The following MGAT4A variants were observed in gnomAD, a reference collection of about 807,000 sequenced individuals.
MGAT4A encodes the protein alpha-1,3-mannosyl-glycoprotein 4-beta-N-acetylglucosaminyltransferase A.
Under a neutral mutation model 74.1 loss-of-function variants are expected in MGAT4A, and 33 were observed. That is an observed-to-expected ratio of 0.45 (90% CI 0.34 to 0.60). The LOEUF (loss-of-function observed/expected upper bound fraction) is 0.60, where lower values mean the gene tolerates loss of function less well. MGAT4A is among the 20% of genes least tolerant of loss of function. MGAT4A has a pLI of 0.02. For synonymous variants in MGAT4A, 198 were observed against 210.4 expected (o/e 0.94, Z 0.51); for missense variants, 479 against 628.3 (o/e 0.76, Z 2.54).
At chr2:98,630,024 C>T (rs1701205676) in intron 14 of MGAT4A, among the ~76,000 whole-genome samples, 1 of 152,032 alleles carries the variant, frequency 6.6e-6, no homozygotes, top group African/African-American at 2.4e-5. Context: ...CTACCCTGGG[C>T]GACAGAGCAA....
intron 9 of MGAT4A, 137 bp from the exon 10 acceptor site, chr2:98,644,190 T>G (rs575573537): frequency 2.2e-6 from 2 of 911,994 alleles, no homozygotes; most frequent in Admixed American, 3.1e-5. Flanking sequence ...ATTTCCCCAC[T>G]TGTATTATCA....
chr2:98,673,290 TTCTTTA>T (rs1297711065), intron 4 of MGAT4A, among the ~76,000 whole-genome samples: 1 of 152,188 alleles, frequency 6.6e-6, no homozygotes, highest in African/African-American at 2.4e-5. Context: ...GAAGCTGTTT[TTCTTTA>T]TCTAAGAAAC....
At chr2:98,665,085 T>G (rs1490580249) in intron 4 of MGAT4A, among the ~76,000 whole-genome samples, 2 of 152,036 alleles carry the variant, frequency 1.3e-5, no homozygotes, top group African/African-American at 2.4e-5. Context: ...ATCCCAGCAC[T>G]TTGGGAGGCC....
At chr2:98,650,330 G>A (rs1364346124) in intron 8 of MGAT4A, among the ~76,000 whole-genome samples, 1 of 152,120 alleles carries the variant, frequency 6.6e-6, no homozygotes, top group Non-Finnish European at 1.5e-5. Flanking sequence ...GTTCTACAAG[G>A]AGAAGAGAGC....
chr2:98,662,613 T>C (rs1005848501), intron 5 of MGAT4A, among the ~76,000 whole-genome samples: 1 of 152,212 alleles, frequency 6.6e-6, no homozygotes, highest in Non-Finnish European at 1.5e-5. Context: ...TCTAAATCTT[T>C]TGAGGAGACT....
intron 2 of MGAT4A, among the ~76,000 whole-genome samples, chr2:98,692,558 C>A (rs990268545): frequency 7.2e-5 from 11 of 152,190 alleles, no homozygotes; most frequent in Non-Finnish European, 1.5e-4. Context: ...TCATCCAGAG[C>A]AACTTCTACT....
chr2:98,663,207 A>T, intron 4 of MGAT4A, 28 bp from the exon 5 acceptor site: 2 of 1,558,396 alleles, frequency 1.3e-6, no homozygotes, highest in Non-Finnish European at 1.7e-6. Flanking sequence ...AATTATATTA[A>T]AAAACTGTAC....
At chr2:98,712,704 T>C (rs185690530) in intron 2 of MGAT4A, among the ~76,000 whole-genome samples, 69 of 152,348 alleles carry the variant, frequency 4.5e-4, no homozygotes, top group African/African-American at 1.7e-3. Flanking sequence ...TAGAAAATCA[T>C]ATTATCTCAT....
intron 4 of MGAT4A, among the ~76,000 whole-genome samples, chr2:98,668,607 C>G (rs1017043686): frequency 1.3e-5 from 2 of 152,238 alleles, no homozygotes; most frequent in African/African-American, 2.4e-5. Context: ...ATTGGGGCAC[C>G]ACCTAGTGGA....
intron 2 of MGAT4A, among the ~76,000 whole-genome samples, chr2:98,699,413 G>A (rs1020547756): frequency 4.6e-5 from 7 of 152,108 alleles, no homozygotes; most frequent in African/African-American, 1.7e-4. Flanking sequence ...GGCCAGCCGA[G>A]GACCAGCCTT....
At position 98,654,729 on chromosome 2, in the gene MGAT4A, G is replaced by A. The variant is rs966305053; in HGVS notation, c.774+716C>T. ...TTAAAATGTCCACACTACCTAAAGCGATCTACAGATTCAATACAATCCCTA... is the reference window on the plus strand; with the variant it reads ...TTAAAATGTCCACACTACCTAAAGCAATCTACAGATTCAATACAATCCCTA... On this transcript the variant is annotated intron_variant, in intron 8 of 15. Coordinates refer to ENST00000393487, the MANE Select transcript of MGAT4A (RefSeq NM_012214.3). 3.3e-5 allele frequency among the ~76,000 whole-genome samples: 5 copies of A among 152,002 alleles called. No homozygotes were observed. In the South Asian group the frequency reaches 8.3e-4, roughly 25 times the overall value.
At chr2:98,679,405 CA>C (rs753919040) in intron 2 of MGAT4A, among the ~76,000 whole-genome samples, 459 of 33,340 alleles carry the variant, frequency 0.014, 1 homozygote, top group African/African-American at 0.044. Context: ...GACTCCGTCT[CA>C]AAAAAAAAAA....
intron 1 of MGAT4A, among the ~76,000 whole-genome samples, chr2:98,730,517 C>A (rs1333168912): frequency 6.6e-6 from 1 of 152,218 alleles, no homozygotes; most frequent in Non-Finnish European, 1.5e-5. Context: ...GCAGCCCCTG[C>A]CCCTGCGCCT....
chr2:98,625,343 ATAAT>A lies in MGAT4A; in HGVS notation c.*219_*222del. 7.5e-7 allele frequency: 1 copy of A among 1,328,860 alleles called. No individual in the cohort carries two copies. The highest frequency in any genetic ancestry group is 9.7e-7 in the Non-Finnish European group (1 of 1,029,984). The allele number at this position is 1,328,860 out of a possible 1,614,324, so 82.3% of individuals were successfully genotyped here. On this transcript the variant is annotated 3_prime_UTR_variant, in exon 16 of 16. Coordinates refer to ENST00000393487, the MANE Select transcript of MGAT4A (RefSeq NM_012214.3). ...GTACAAGTCATATTAACAGGCTGTCATAATTGAAAAATGTTTGAGTCAAGTTAAA... is the reference window on the plus strand; with the variant it reads ...GTACAAGTCATATTAACAGGCTGTCATGAAAAATGTTTGAGTCAAGTTAAA...
chr2:98,702,222 G>A (rs1033126504), intron 2 of MGAT4A, among the ~76,000 whole-genome samples: 7 of 152,330 alleles, frequency 4.6e-5, no homozygotes, highest in South Asian at 2.1e-4. Context: ...TTTAACAGGC[G>A]TGGGGCAGGC....
intron 10 of MGAT4A, among the ~76,000 whole-genome samples, chr2:98,642,200 AAG>A (rs1042264486): frequency 6.6e-6 from 1 of 152,132 alleles, no homozygotes; most frequent in Non-Finnish European, 1.5e-5. Flanking sequence ...GGCAAAGGGC[AAG>A]AGAGAGAGAA....
chr2:98,686,863 T>C (rs1702137799), intron 2 of MGAT4A, among the ~76,000 whole-genome samples: 1 of 152,200 alleles, frequency 6.6e-6, no homozygotes, highest in African/African-American at 2.4e-5. Context: ...GGCAATCTCT[T>C]TTCAGTAAGT....
chr2:98,675,359 G>A (rs1386491293), intron 3 of MGAT4A, among the ~76,000 whole-genome samples, 184 bp from the exon 4 acceptor site: 2 of 152,106 alleles, frequency 1.3e-5, no homozygotes, highest in African/African-American at 4.8e-5. Flanking sequence ...AGTCTCACAG[G>A]TCATGATGTT....
At position 98,718,047 on chromosome 2, in the gene MGAT4A, C is replaced by T. The variant is rs528919577; in HGVS notation, c.94+8192G>A. Among the ~76,000 whole-genome samples the T allele has an allele frequency of 4.6e-5, 7 of 152,322 alleles. No individual in the cohort carries two copies. In the South Asian group the frequency reaches 6.2e-4, roughly 14 times the overall value. ...AATCATAGTTTCCAATAAAATGCTTCGTCTGGTGTTTCTGTTATAGCTAAC... is the reference window on the plus strand; with the variant it reads ...AATCATAGTTTCCAATAAAATGCTTTGTCTGGTGTTTCTGTTATAGCTAAC... On this transcript the variant is annotated intron_variant, in intron 2 of 15. Coordinates refer to ENST00000393487, the MANE Select transcript of MGAT4A (RefSeq NM_012214.3).
Sources: gnomAD v4.1 joint callset for allele counts (sites outside exome capture counted in the v4.1 genomes callset) on GRCh38, gnomAD v4.1.1 for gene constraint, MANE v1.5 for transcripts, NCBI Gene and HGNC (gene_info 2026-07-23, HGNC 2026-07-21) for gene names.